The following VAV2 variants were observed in gnomAD, a reference collection of about 807,000 sequenced individuals.
The protein encoded by VAV2 is vav guanine nucleotide exchange factor 2.
In VAV2, 67 loss-of-function variants were observed where a neutral mutation model predicts 132.5. The ratio of observed to expected loss-of-function variants is 0.51; its 90% CI spans 0.42 to 0.62. VAV2 has a LOEUF of 0.62. Ranked by LOEUF, VAV2 falls within the 20% of genes least tolerant of loss-of-function variation. VAV2 has a pLI of 0.00. For synonymous variants in VAV2, 492 were observed against 443.5 expected (o/e 1.11, Z -1.37); for missense variants, 938 against 1,153.6 (o/e 0.81, Z 2.71).
chr9:133,973,383 G>A (rs1008273588), intron 1 of VAV2, among the ~76,000 whole-genome samples: 1 of 152,090 alleles, frequency 6.6e-6, no homozygotes, highest in African/African-American at 2.4e-5. Context: ...TCTGGTGTAT[G>A]GTAACATCAG....
At chr9:133,841,376 A>C (rs908018017) in intron 3 of VAV2, among the ~76,000 whole-genome samples, 4 of 151,996 alleles carry the variant, frequency 2.6e-5, no homozygotes, top group African/African-American at 9.7e-5. Flanking sequence ...ACTCCTCTGC[A>C]TATTGAGTGG....
Position 133,806,204 on chromosome 9 carries a change from G to T in VAV2, c.736-23C>A, listed in dbSNP as rs759861136. On this transcript the variant is annotated intron_variant, in intron 8 of 29. Transcript: ENST00000371850. ...GTCCTGGGTTGAAAACCAGCCGTGA[G>T]TGCCTGGCCAGGCCCACCCAAGGCT... 2.2e-5 allele frequency: 35 copies of T among 1,604,120 alleles called. 1 individual carries two copies. The Admixed American group carries it at 5.9e-4, about 27-fold the overall frequency.
In VAV2 at chr9:133,796,369, C is replaced by G. The variant is rs1338972365; in HGVS notation, c.1032+60G>C. The G allele has an allele frequency of 2.0e-6, 3 of 1,485,990 alleles. No individual in the cohort carries two copies. In the East Asian group the frequency reaches 7.0e-5, roughly 34 times the overall value. 92.1% of individuals were successfully genotyped at this position (1,485,990 alleles called of 1,614,324 possible). Reference sequence around the variant, plus strand: ...GCAACCTATACCCCCTGGAAGCTGCCAGCCCTCATCTGACTCCAGCAGTGA... The same window carrying G: ...GCAACCTATACCCCCTGGAAGCTGCGAGCCCTCATCTGACTCCAGCAGTGA... On this transcript the variant is annotated intron_variant, in intron 11 of 29. Transcript: ENST00000371850.
chr9:133,861,613 C>T (rs1364531018), intron 2 of VAV2, among the ~76,000 whole-genome samples, 181 bp from the exon 3 acceptor site: 1 of 152,204 alleles, frequency 6.6e-6, no homozygotes, highest in East Asian at 1.9e-4. Flanking sequence ...CTGAGCAAAA[C>T]TTGTCATTTG....
At chr9:133,790,596 G>T (rs1015805938) in intron 13 of VAV2, among the ~76,000 whole-genome samples, 1 of 152,228 alleles carries the variant, frequency 6.6e-6, no homozygotes, top group African/African-American at 2.4e-5. Context: ...TCGCGCAGGA[G>T]CTCACGGCAG....
At chr9:133,952,117 A>AG (rs1209192691) in intron 1 of VAV2, among the ~76,000 whole-genome samples, 2 of 152,106 alleles carry the variant, frequency 1.3e-5, no homozygotes, top group South Asian at 4.2e-4. Flanking sequence ...AAAAGGCCCC[A>AG]GCTCCTAATA....
At chr9:133,970,991 T>A (rs1357798481) in intron 1 of VAV2, among the ~76,000 whole-genome samples, 1 of 152,270 alleles carries the variant, frequency 6.6e-6, no homozygotes, top group Non-Finnish European at 1.5e-5. Context: ...GTGAAAATTC[T>A]ATCTTTTCCT....
chr9:133,881,588 A>C (rs569770468), intron 2 of VAV2, among the ~76,000 whole-genome samples: 1 of 152,294 alleles, frequency 6.6e-6, no homozygotes, highest in South Asian at 2.1e-4. Flanking sequence ...AGGTGCAGAG[A>C]AAGGCCTGAG....
At chr9:133,807,858 T>C (rs1169828816) in intron 7 of VAV2, among the ~76,000 whole-genome samples, 1 of 152,152 alleles carries the variant, frequency 6.6e-6, no homozygotes, top group Non-Finnish European at 1.5e-5. Context: ...GGATGTGAAG[T>C]GAACATGAGG....
chr9:133,785,896 G>A lies in VAV2; in HGVS notation c.1423-11C>T, dbSNP rs747773506. 6.2e-7 allele frequency: 1 copy of A among 1,610,762 alleles called. No homozygotes were observed. Among genetic ancestry groups the A allele is most frequent in the Non-Finnish European group, 8.5e-7 (1 of 1,177,846 alleles). On this transcript the variant is annotated splice_polypyrimidine_tract_variant and intron_variant, in intron 16 of 29. Transcript: ENST00000371850. ...GAAGCCGTAGGACCACTGCAGGGGG[G>A]AGAGGGGCCATGCTTGCAATAGACA...
chr9:133,897,724 T>C (rs1405557741), intron 2 of VAV2, among the ~76,000 whole-genome samples: 1 of 152,176 alleles, frequency 6.6e-6, no homozygotes, highest in Non-Finnish European at 1.5e-5. Flanking sequence ...ATATGGAATT[T>C]CCAAGTCGCC....
In VAV2 at chr9:133,812,195, G is replaced by A; in HGVS notation, c.471C>T (p.Asp157=). 6.2e-7 allele frequency: 1 copy of A among 1,613,918 alleles called. No individual in the cohort carries two copies. Among genetic ancestry groups the A allele is most frequent in the Non-Finnish European group, 8.5e-7 (1 of 1,180,004 alleles). Reference sequence around the variant, plus strand: ...CCTCACACGGGACGCAGTCGTAGATGTCCTCCCCCAGGTCATGCTCGCTGC... The same window carrying A: ...CCTCACACGGGACGCAGTCGTAGATATCCTCCCCCAGGTCATGCTCGCTGC... ...ELADEHDLGE[D]IYDCVPCEDG... Residue 157 remains aspartate, a synonymous_variant, in exon 5 of 30, where the codon GAC becomes GAT. Transcript: ENST00000371850.
chr9:133,861,277 G>T (rs1039890209), intron 3 of VAV2, 97 bp downstream of exon 3: 6 of 1,329,418 alleles, frequency 4.5e-6, no homozygotes, highest in Non-Finnish European at 6.1e-6. Context: ...CACAGGCAGA[G>T]GGCATCTGCT....
intron 2 of VAV2, among the ~76,000 whole-genome samples, chr9:133,902,208 A>G (rs1320715029): frequency 2.0e-5 from 3 of 152,224 alleles, no homozygotes; most frequent in Non-Finnish European, 4.4e-5. Context: ...ACACTGGGAT[A>G]GGAACGGGCA....
In VAV2 at chr9:133,788,263, G is replaced by A. The variant is rs1204917703; in HGVS notation, c.1407+91C>T. The A allele has an allele frequency of 1.4e-5, 16 of 1,169,534 alleles. No homozygotes were observed. Among genetic ancestry groups the A allele is most frequent in the Admixed American group, 4.3e-5 (2 of 46,220 alleles). 72.4% of individuals were successfully genotyped at this position (1,169,534 alleles called of 1,614,324 possible). A position where few individuals can be genotyped will look rare whatever the true frequency, so the allele number is the denominator to read the frequency against. ...CCGGCCAGCATCAGCGGCTGACTTC[G>A]AGTCCCCTTCCCCTGGGGTCTGGAA... is the stretch of plus-strand genomic sequence containing the variant. On this transcript the variant is annotated intron_variant, in intron 15 of 29. Coordinates refer to ENST00000371850, the MANE Select transcript of VAV2 (RefSeq NM_001134398.2). This position sits in a 1 kb window ranked among gnomAD's most constrained non-coding sequence, Gnocchi z 5.3.
intron 2 of VAV2, among the ~76,000 whole-genome samples, chr9:133,886,773 C>T (rs748453400): frequency 6.6e-6 from 1 of 152,244 alleles, no homozygotes; most frequent in Non-Finnish European, 1.5e-5. Context: ...AGGGTCAGAG[C>T]TCTGTTACCA....
Position 133,992,124 on chromosome 9 carries a change from G to C in VAV2, c.155C>G (p.Pro52Arg). 1 of 1,593,622 alleles carries C rather than the reference G, an allele frequency of 6.3e-7. No homozygotes were observed. ...LLCQLLHNLSPGSIDLKDINF... is the reference protein window; with the variant it reads ...LLCQLLHNLSRGSIDLKDINF... The stretch of plus-strand genomic sequence containing the variant: ...GATGTCCTTGAGGTCGATGGAGCCG[G>C]GGGAGAGGTTGTGCAGCAGCTGGCA... Residue 52 changes from proline to arginine, a missense_variant, in exon 1 of 30, where the codon CCC (proline) becomes CGC (arginine). Coordinates refer to ENST00000371850, the MANE Select transcript of VAV2 (RefSeq NM_001134398.2). The surrounding 1 kb of genome is among the most constrained non-coding windows in gnomAD (Gnocchi z 5.5).
intron 2 of VAV2, among the ~76,000 whole-genome samples, chr9:133,902,430 A>G (rs963821685): frequency 1.3e-5 from 2 of 152,214 alleles, no homozygotes; most frequent in Non-Finnish European, 2.9e-5. Context: ...TGCGGCCAGC[A>G]CTGGAAGCGG....
chr9:133,887,936 A>G (rs1838779170), intron 2 of VAV2, among the ~76,000 whole-genome samples: 1 of 152,202 alleles, frequency 6.6e-6, no homozygotes, highest in African/African-American at 2.4e-5. Flanking sequence ...AGAGCAACGC[A>G]GCGTCCACAG....
Sources: gnomAD v4.1 joint callset for allele counts (sites outside exome capture counted in the v4.1 genomes callset) on GRCh38, gnomAD v4.1.1 for gene constraint, Gnocchi (gnomAD v3.1) non-coding constraint, MANE v1.5 for transcripts, NCBI Gene and HGNC (gene_info 2026-07-23, HGNC 2026-07-21) for gene names.